DLGAP1: variants seen among roughly 807,000 people sequenced by gnomAD.
DLGAP1 encodes the protein DLG associated protein 1.
In DLGAP1, 11 loss-of-function variants were observed where a neutral mutation model predicts 90.8. That is an observed-to-expected ratio of 0.12 (90% CI 0.08 to 0.20). The LOEUF (loss-of-function observed/expected upper bound fraction) is 0.20, where lower values mean the gene tolerates loss of function less well. Ranked by LOEUF, DLGAP1 falls within the 10% of genes least tolerant of loss-of-function variation. The pLI is 1.00. For synonymous variants in DLGAP1, 558 were observed against 540.7 expected, an observed-to-expected ratio of 1.03 and a Z score of -0.44; for missense variants, 1,050 against 1,333.8, an observed-to-expected ratio of 0.79 and a Z score of 3.31.
chr18:3,502,224 G>A, intron 12 of DLGAP1: 2 of 1,327,078 alleles, frequency 1.5e-6, no homozygotes, highest in South Asian at 2.2e-5. Flanking sequence ...TGACTAAAAT[G>A]GTTTAACTTA....
At chr18:4,242,895 C>A (rs553065777) in intron 1 of DLGAP1, among the ~76,000 whole-genome samples, 1 of 152,246 alleles carries the variant, frequency 6.6e-6, no homozygotes, top group East Asian at 1.9e-4. Context: ...CTAGGTCACA[C>A]ATGTAGTACC....
chr18:4,101,722 ATTAAT>A (rs1568397278), intron 2 of DLGAP1, among the ~76,000 whole-genome samples: 1 of 152,090 alleles, frequency 6.6e-6, no homozygotes, highest in Non-Finnish European at 1.5e-5. Context: ...AACCATTGAA[ATTAAT>A]TTATTTTTTA....
At chr18:3,766,026 C>T (rs1405128940) in intron 5 of DLGAP1, among the ~76,000 whole-genome samples, 1 of 151,690 alleles carries the variant, frequency 6.6e-6, no homozygotes, top group Non-Finnish European at 1.5e-5. Context: ...ATGTAAATAG[C>T]CTACATACGT....
At chr18:4,271,019 G>T (rs556244034) in intron 1 of DLGAP1, among the ~76,000 whole-genome samples, 19 of 152,214 alleles carry the variant, frequency 1.2e-4, no homozygotes, top group Admixed American at 5.2e-4. Context: ...AATTTTAAAG[G>T]CAGGTTTCCA....
intron 7 of DLGAP1, chr18:3,708,454 T>C (rs980441626): frequency 7.4e-5 from 34 of 456,576 alleles, no homozygotes; most frequent in Middle Eastern, 3.2e-4. Context: ...GGAGGAGTCA[T>C]GTCTTCCTAC....
intron 7 of DLGAP1, among the ~76,000 whole-genome samples, chr18:3,655,356 G>C (rs914568150): frequency 6.6e-6 from 1 of 152,188 alleles, no homozygotes; most frequent in African/African-American, 2.4e-5. Context: ...GGGCTAAGGA[G>C]ATCAATTTTA....
chr18:4,045,536 C>T (rs981075504), intron 2 of DLGAP1, among the ~76,000 whole-genome samples: 2 of 139,952 alleles, frequency 1.4e-5, no homozygotes, highest in Admixed American at 7.5e-5. Flanking sequence ...GAGGTTGAGG[C>T]TGCAGTGAGC....
intron 1 of DLGAP1, among the ~76,000 whole-genome samples, chr18:4,151,744 G>C (rs1009204625): frequency 4.6e-5 from 7 of 151,976 alleles, no homozygotes; most frequent in African/African-American, 1.7e-4. Context: ...TTTCATTCTG[G>C]AAAAAAGCCA....
intron 2 of DLGAP1, among the ~76,000 whole-genome samples, chr18:4,063,112 A>G (rs996623545): frequency 9.2e-5 from 14 of 152,148 alleles, no homozygotes; most frequent in Non-Finnish European, 1.5e-4. Flanking sequence ...ATACTTTATA[A>G]AAAAGCTTGG....
At chr18:3,593,022 G>C (rs573128546) in intron 7 of DLGAP1, among the ~76,000 whole-genome samples, 1 of 152,004 alleles carries the variant, frequency 6.6e-6, no homozygotes, top group South Asian at 2.1e-4. Context: ...AGCAGGCAAC[G>C]GACATCCCTA....
intron 1 of DLGAP1, among the ~76,000 whole-genome samples, chr18:4,408,255 G>A (rs1233979417): frequency 1.3e-5 from 2 of 152,124 alleles, no homozygotes; most frequent in Non-Finnish European, 2.9e-5. Context: ...TTACAATGCT[G>A]TGCGTATTCG....
chr18:3,716,594 C>G (rs991064970), intron 7 of DLGAP1, among the ~76,000 whole-genome samples: 1 of 151,918 alleles, frequency 6.6e-6, no homozygotes, highest in Non-Finnish European at 1.5e-5. Flanking sequence ...CATTTGAAAA[C>G]TAAAGTATAA....
intron 7 of DLGAP1, among the ~76,000 whole-genome samples, chr18:3,646,701 G>C (rs1415684607): frequency 6.6e-6 from 1 of 152,182 alleles, no homozygotes; most frequent in Non-Finnish European, 1.5e-5. Flanking sequence ...GAGGCGGGCA[G>C]ATCACGAGGT....
intron 10 of DLGAP1, among the ~76,000 whole-genome samples, chr18:3,520,431 C>T (rs2051108576): frequency 6.6e-6 from 1 of 152,158 alleles, no homozygotes; most frequent in African/African-American, 2.4e-5. Context: ...TTGCATTTTC[C>T]TAAAATTTAC....
chr18:3,853,430 G>A (rs1192003176), intron 4 of DLGAP1, among the ~76,000 whole-genome samples: 2 of 151,986 alleles, frequency 1.3e-5, no homozygotes, highest in Non-Finnish European at 2.9e-5. Flanking sequence ...TCTTTTCTAT[G>A]TTTAGGCACA....
chr18:3,637,818 A>C (rs989260853), intron 7 of DLGAP1, among the ~76,000 whole-genome samples: 3 of 151,944 alleles, frequency 2.0e-5, no homozygotes, highest in African/African-American at 7.3e-5. Context: ...GTTAAAACTT[A>C]TCCAATTCCA....
chr18:3,621,407 C>CCT lies in DLGAP1; in HGVS notation c.1592-39161_1592-39160dup, dbSNP rs143435696. Among the ~76,000 whole-genome samples the CCT allele has an allele frequency of 4.8e-3, 724 of 152,244 alleles. 6 individuals carry two copies. The highest frequency in any genetic ancestry group is 0.016 in the African/African-American group (685 of 41,540). On this transcript the variant is annotated intron_variant, in intron 7 of 12. Transcript: ENST00000315677. ...ACCTTGTCTGTTAAATCAAGTTTAG[C>CCT]CTAAAGTGGCCTCCTTACATATTTT... is the stretch of plus-strand genomic sequence containing the variant.
At chr18:4,178,232 C>T (rs905621576) in intron 1 of DLGAP1, among the ~76,000 whole-genome samples, 13 of 151,262 alleles carry the variant, frequency 8.6e-5, no homozygotes, top group African/African-American at 3.2e-4. Context: ...CACACACACA[C>T]ACACACACAC....
chr18:3,925,676 T>C (rs898709671), intron 3 of DLGAP1, among the ~76,000 whole-genome samples: 4 of 152,164 alleles, frequency 2.6e-5, no homozygotes, highest in African/African-American at 7.2e-5. Flanking sequence ...CAGTAAGACA[T>C]AGTCTGTTTT....
Sources: allele counts gnomAD v4.1 joint callset (sites outside exome capture counted in the v4.1 genomes callset), GRCh38; gene constraint gnomAD v4.1.1; transcripts MANE v1.5; gene names NCBI Gene and HGNC (gene_info 2026-07-23, HGNC 2026-07-21).